Variants in BNC2 observed in about 807,000 individuals in gnomAD.
BNC2 encodes basonuclin zinc finger protein 2.
In BNC2, 20 loss-of-function variants were observed where a neutral mutation model predicts 76.3. That is an observed-to-expected ratio of 0.26 (90% CI 0.18 to 0.38). The LOEUF (loss-of-function observed/expected upper bound fraction) is 0.38, where lower values mean the gene tolerates loss of function less well. Among genes scored for constraint, BNC2 ranks in the 10% least tolerant of loss-of-function variants. BNC2 has a pLI of 1.00. For missense variants in BNC2, 1,382 were observed against 1,399.8 expected, an observed-to-expected ratio of 0.99 and a Z score of 0.20; for synonymous variants, 582 against 514.8, an observed-to-expected ratio of 1.13 and a Z score of -1.77.
intron 3 of BNC2, among the ~76,000 whole-genome samples, chr9:16,670,504 G>A (rs983079846): frequency 6.6e-6 from 1 of 152,070 alleles, no homozygotes; most frequent in African/African-American, 2.4e-5. Context: ...ATTAAGAGTG[G>A]CTGAATAGCT....
At chr9:16,668,553 A>G (rs1214248658) in intron 3 of BNC2, among the ~76,000 whole-genome samples, 1 of 152,256 alleles carries the variant, frequency 6.6e-6, no homozygotes, top group African/African-American at 2.4e-5. Context: ...CCTCTAAGCT[A>G]TGATTAGTTC....
At chr9:16,691,725 GGT>G (rs1349472318) in intron 3 of BNC2, among the ~76,000 whole-genome samples, 1 of 151,494 alleles carries the variant, frequency 6.6e-6, no homozygotes, top group Non-Finnish European at 1.5e-5. Flanking sequence ...TAGCCAGGAT[GGT>G]CTCGATCTCC....
chr9:16,571,627 G>A (rs965468267), intron 4 of BNC2, among the ~76,000 whole-genome samples: 7 of 151,404 alleles, frequency 4.6e-5, no homozygotes, highest in African/African-American at 1.7e-4. Context: ...TTTTCTTTGA[G>A]GCAATTGCGC....
chr9:16,825,251 G>A (rs777344748), intron 1 of BNC2, among the ~76,000 whole-genome samples: 16 of 152,212 alleles, frequency 1.1e-4, no homozygotes, highest in Non-Finnish European at 1.5e-4. Context: ...CTCATCAACC[G>A]TCAAAGTTGG....
chr9:16,759,804 T>A (rs1222152234), intron 1 of BNC2, among the ~76,000 whole-genome samples: 2 of 151,630 alleles, frequency 1.3e-5, no homozygotes, highest in South Asian at 2.1e-4. Context: ...GCTCACTGCC[T>A]GCTCCGCCTC....
chr9:16,473,471 A>G (rs1436652555), intron 5 of BNC2: 1 of 152,222 alleles, frequency 6.6e-6, no homozygotes, highest in African/African-American at 2.4e-5. Context: ...TATAAAAATA[A>G]AAGTGTTGAT....
At chr9:16,738,996 T>A (rs571120772) in intron 1 of BNC2, among the ~76,000 whole-genome samples, 1 of 150,710 alleles carries the variant, frequency 6.6e-6, no homozygotes, top group Admixed American at 6.6e-5. Flanking sequence ...CAGAATTCCA[T>A]ACAACTTAGA....
chr9:16,550,599 A>G (rs1480773912), intron 5 of BNC2, among the ~76,000 whole-genome samples: 1 of 152,248 alleles, frequency 6.6e-6, no homozygotes, highest in East Asian at 1.9e-4. Context: ...TAAAATGGCA[A>G]ACCAACATAG....
chr9:16,740,722 C>T (rs944298237), intron 1 of BNC2, among the ~76,000 whole-genome samples: 2 of 152,066 alleles, frequency 1.3e-5, no homozygotes, highest in African/African-American at 4.8e-5. Context: ...GAGACTATCA[C>T]AGGCAAAGGG....
chr9:16,662,149 T>C (rs971062424), intron 3 of BNC2, among the ~76,000 whole-genome samples: 2 of 152,248 alleles, frequency 1.3e-5, no homozygotes, highest in Admixed American at 1.3e-4. Flanking sequence ...GGGGAAAACA[T>C]TCACATATTA....
chr9:16,665,036 T>C, intron 3 of BNC2: 1 of 456,418 alleles, frequency 2.2e-6, no homozygotes, highest in South Asian at 1.5e-5. Context: ...AAACTAGACC[T>C]GTAACTTCTT....
intron 2 of BNC2, among the ~76,000 whole-genome samples, chr9:16,732,505 C>CAAATATA (rs1563919053): frequency 6.6e-6 from 1 of 152,114 alleles, no homozygotes; most frequent in Non-Finnish European, 1.5e-5. Flanking sequence ...AAATCCTGCA[C>CAAATATA]AAATATAAAA....
Position 16,809,618 on chromosome 9 carries a change from T to C in BNC2, c.3+61028A>G, listed in dbSNP as rs541939640. On this transcript the variant is annotated intron_variant, in intron 1 of 6. Transcript: ENST00000380672. Reference sequence around the variant, plus strand: ...TGAACCAAGACCGAATGCGTTGTAATGTACTGAGTATTAGCTGGGTGTGGT... The same window carrying C: ...TGAACCAAGACCGAATGCGTTGTAACGTACTGAGTATTAGCTGGGTGTGGT... Among the ~76,000 whole-genome samples, 6 of 152,090 alleles carry C rather than the reference T, an allele frequency of 3.9e-5. No individual in the cohort carries two copies. The South Asian group carries it at 6.2e-4, about 16-fold the overall frequency.
At chr9:16,459,625 C>A (rs1821530869) in intron 5 of BNC2, among the ~76,000 whole-genome samples, 1 of 151,964 alleles carries the variant, frequency 6.6e-6, no homozygotes, top group African/African-American at 2.4e-5. Flanking sequence ...CCTGAGGCAC[C>A]CACACACATA....
At chr9:16,516,537 C>G (rs963062839) in intron 5 of BNC2, among the ~76,000 whole-genome samples, 4 of 152,248 alleles carry the variant, frequency 2.6e-5, no homozygotes, top group African/African-American at 7.2e-5. Context: ...GAAACCCCCC[C>G]AATACAGGGT....
chr9:16,682,701 T>C (rs1587312028), intron 3 of BNC2, among the ~76,000 whole-genome samples: 1 of 152,276 alleles, frequency 6.6e-6, no homozygotes, highest in East Asian at 1.9e-4. Flanking sequence ...TTGTGTCTAA[T>C]CTAGTACTGA....
intron 3 of BNC2, among the ~76,000 whole-genome samples, chr9:16,721,331 C>A (rs1274238697): frequency 6.6e-6 from 1 of 152,126 alleles, no homozygotes; most frequent in South Asian, 2.1e-4. Context: ...CTTTGTTTCT[C>A]TAAAGCTTAA....
chr9:16,539,250 C>T (rs962890574), intron 5 of BNC2, among the ~76,000 whole-genome samples: 22 of 152,088 alleles, frequency 1.4e-4, no homozygotes, highest in African/African-American at 4.3e-4. Context: ...TGTTGGCTCA[C>T]GTCTGTAACC....
At chr9:16,851,426 A>C (rs1819124446) in intron 1 of BNC2, among the ~76,000 whole-genome samples, 4 of 152,110 alleles carry the variant, frequency 2.6e-5, no homozygotes. Flanking sequence ...GGATTGCTGG[A>C]GCCCAGCAGG....
Sources: allele counts gnomAD v4.1 joint callset (sites outside exome capture counted in the v4.1 genomes callset), GRCh38; gene constraint gnomAD v4.1.1; transcripts MANE v1.5; gene names NCBI Gene and HGNC (gene_info 2026-07-23, HGNC 2026-07-21).